The following SMC1A variants were observed in gnomAD, a reference collection of about 807,000 sequenced individuals.
The protein encoded by SMC1A is structural maintenance of chromosomes protein 1A.
Under a neutral mutation model 94.5 loss-of-function variants are expected in SMC1A, and 4 were observed. The observed-to-expected ratio is 0.04, with a 90% confidence interval of 0.02 to 0.10. The LOEUF is 0.10. Among genes scored for constraint, SMC1A ranks in the 10% least tolerant of loss-of-function variants. The probability of loss-of-function intolerance (pLI) is 1.00; values close to 1 mark genes in which losing one functional copy is unlikely to be tolerated. For synonymous variants in SMC1A, 345 were observed against 347.7 expected (o/e 0.99, Z 0.09); for missense variants, 304 against 989.0 (o/e 0.31, Z 9.29).
At chrX:53,402,592 G>A (rs1173645710) in intron 15 of SMC1A, among the ~76,000 whole-genome samples, 1 of 105,349 alleles carries the variant, frequency 9.5e-6, no homozygotes, top group African/African-American at 3.5e-5. Flanking sequence ...GGGGCCAGGC[G>A]TGGTGGCTCA....
In SMC1A at chrX:53,409,218, C is replaced by T. The variant is rs147703365; in HGVS notation, c.1389G>A (p.Val463=). 1.6e-5 allele frequency: 19 copies of T among 1,208,851 alleles called. No homozygotes were observed. Among genetic ancestry groups the T allele is most frequent in the African/African-American group, 3.5e-5 (2 of 57,127 alleles). The change falls in exon 9 of 25, where the codon GTG becomes GTA. Residue 463 remains valine, a synonymous_variant. Transcript: ENST00000322213. ...CATCAATACGCCGCTTGGCCATCTC[C>T]ACCTCCTCTGTCAGCTCCCCCTCTA... ...KKLEGELTEE[V]EMAKRRIDEI...
chrX:53,383,336 GGCCTGGGC>G (rs782027048), intron 19 of SMC1A, 83 bp from the exon 20 acceptor site: 163 of 1,002,621 alleles, frequency 1.6e-4, no homozygotes, highest in Non-Finnish European at 2.2e-4. Flanking sequence ...GACTGAGTGT[GGCCTGGGC>G]GCCTGCTCCT....
intron 18 of SMC1A, among the ~76,000 whole-genome samples, chrX:53,395,369 A>T (rs1346071040): frequency 9.0e-6 from 1 of 111,050 alleles, no homozygotes; most frequent in Non-Finnish European, 1.9e-5. Flanking sequence ...AATAAATAAA[A>T]AAAATTTGAG....
chrX:53,389,587 G>A (rs782653756), intron 19 of SMC1A, among the ~76,000 whole-genome samples: 3 of 110,337 alleles, frequency 2.7e-5, no homozygotes, highest in East Asian at 5.8e-4. Context: ...ACAATTAGCC[G>A]GGCATGGTGG....
At position 53,394,891 on chromosome X, in the gene SMC1A, G is replaced by A. The variant is rs782108323; in HGVS notation, c.2863-3C>T. 1 of 1,118,135 alleles carries A rather than the reference G, an allele frequency of 8.9e-7. No homozygotes were observed. The highest frequency in any genetic ancestry group is 2.2e-5 in the Admixed American group (1 of 45,944). 92.1% of individuals were successfully genotyped at this position (1,118,135 alleles called of 1,213,427 possible). A position where few individuals can be genotyped will look rare whatever the true frequency, so the allele number is the denominator to read the frequency against. ...GAGTCCTCCCCCTGGGAGCTACCCT[G>A]CAATGGCAACGGAGAGTCAAGTGGA... On this transcript the variant is annotated splice_polypyrimidine_tract_variant and splice_region_variant and intron_variant, in intron 18 of 24. Transcript: ENST00000322213.
At chrX:53,385,505 A>T (rs2075601411) in intron 19 of SMC1A, among the ~76,000 whole-genome samples, 1 of 108,736 alleles carries the variant, frequency 9.2e-6, no homozygotes, top group Non-Finnish European at 1.9e-5. Context: ...TGACCTCCTG[A>T]CCTCGTGATC....
Position 53,412,009 on chromosome X carries a change from A to G in SMC1A, c.1099T>C (p.Leu367=), listed in dbSNP as rs2075714965. 4.1e-6 allele frequency: 5 copies of G among 1,208,973 alleles called. No individual in the cohort carries two copies. The highest frequency in any genetic ancestry group is 3.0e-5 in the East Asian group (1 of 33,699). ...ESQSQGRDLT[L]EENQVKKYHR... ...CCAGAGCTTACCTGATTCTCCTCCA[A>G]CGTCAAATCTCTGCCCTGACTCTGA... The change falls in exon 6 of 25, where the codon TTG becomes CTG. Residue 367 remains leucine (L), a synonymous_variant. Transcript: ENST00000322213.
At chrX:53,404,639 GC>G (rs2075684237) in intron 13 of SMC1A, among the ~76,000 whole-genome samples, 1 of 110,647 alleles carries the variant, frequency 9.0e-6, no homozygotes, top group Non-Finnish European at 1.9e-5. Context: ...GATTACAGGC[GC>G]CTGCCACCAC....
At chrX:53,398,035 A>C (rs1556888296) in intron 16 of SMC1A, among the ~76,000 whole-genome samples, 1 of 109,498 alleles carries the variant, frequency 9.1e-6, no homozygotes, top group Non-Finnish European at 1.9e-5. Context: ...AAATACAAAA[A>C]ATTAGCCAGG....
At chrX:53,380,915 G>C (rs2075579830) in intron 23 of SMC1A, 103 bp downstream of exon 23, 11 of 750,976 alleles carry the variant, frequency 1.5e-5, no homozygotes, top group Middle Eastern at 2.8e-4. Flanking sequence ...CAGGCACAGA[G>C]AGCAGGCAGC....
At chrX:53,419,392 T>C (rs1556891733) in intron 1 of SMC1A, among the ~76,000 whole-genome samples, 1 of 108,868 alleles carries the variant, frequency 9.2e-6, no homozygotes, top group African/African-American at 3.4e-5. Context: ...CTCGGCATGG[T>C]GGCACACTCC....
chrX:53,383,455 C>G (rs1316165418), intron 19 of SMC1A, among the ~76,000 whole-genome samples: 1 of 112,012 alleles, frequency 8.9e-6, no homozygotes, highest in Non-Finnish European at 1.9e-5. Flanking sequence ...GCTGAGGCTG[C>G]TTTCTAATCT....
intron 19 of SMC1A, among the ~76,000 whole-genome samples, chrX:53,391,630 G>C (rs1049478774): frequency 9.1e-6 from 1 of 110,463 alleles, no homozygotes; most frequent in African/African-American, 3.3e-5. Context: ...AGGATCAAGC[G>C]ATCTTCCTGC....
At chrX:53,405,424 G>A (rs2075687506) in intron 11 of SMC1A, 33 bp from the exon 12 acceptor site, 5 of 1,209,653 alleles carry the variant, frequency 4.1e-6, no homozygotes, top group Non-Finnish European at 5.6e-6. Context: ...AGAAGAGGGG[G>A]AGAAGCTGAA....
intron 1 of SMC1A, among the ~76,000 whole-genome samples, chrX:53,418,859 A>G (rs1292683773): frequency 4.5e-5 from 5 of 111,140 alleles, no homozygotes; most frequent in African/African-American, 1.6e-4. Flanking sequence ...CCTGGCCAAC[A>G]TGGTGAAACC....
chrX:53,406,655 T>C (rs1430379472), intron 9 of SMC1A, among the ~76,000 whole-genome samples: 2 of 111,668 alleles, frequency 1.8e-5, no homozygotes, highest in African/African-American at 6.5e-5. Context: ...ACTAGACTAA[T>C]TATTAATTAA....
chrX:53,380,328 A>C, intron 24 of SMC1A, 142 bp from the exon 25 acceptor site: 1 of 510,095 alleles, frequency 2.0e-6, no homozygotes, highest in African/African-American at 2.3e-5. Flanking sequence ...TGGGTGTGAG[A>C]GGATATGCTC....
intron 1 of SMC1A, among the ~76,000 whole-genome samples, chrX:53,415,666 CAAA>C (rs1280908265): frequency 3.1e-5 from 2 of 64,192 alleles, no homozygotes; most frequent in African/African-American, 5.8e-5. Context: ...GACTCCATCT[CAAA>C]AAAAAAAAAA....
At chrX:53,416,984 CTG>C (rs2075734615) in intron 1 of SMC1A, among the ~76,000 whole-genome samples, 1 of 107,791 alleles carries the variant, frequency 9.3e-6, no homozygotes, top group South Asian at 4.3e-4. Flanking sequence ...CAAGGTCTCG[CTG>C]TGTTGCCCAG....
Sources: allele counts gnomAD v4.1 joint callset (sites outside exome capture counted in the v4.1 genomes callset), GRCh38; gene constraint gnomAD v4.1.1; transcripts MANE v1.5; gene names NCBI Gene and HGNC (gene_info 2026-07-23, HGNC 2026-07-21).